The following FAM78B variants were observed in gnomAD, a reference collection of about 807,000 sequenced individuals.
The protein encoded by FAM78B is protein FAM78B.
In FAM78B, 10 loss-of-function variants were observed where a neutral mutation model predicts 20.0. The observed-to-expected ratio is 0.50, with a 90% CI of 0.31 to 0.85. The LOEUF (loss-of-function observed/expected upper bound fraction) is 0.85, where lower values mean the gene tolerates loss of function less well. FAM78B is among the 40% of genes least tolerant of loss of function. The pLI is 0.05. For missense variants in FAM78B, 283 were observed against 345.0 expected (o/e 0.82, Z 1.42); for synonymous variants, 135 against 132.8 (o/e 1.02, Z -0.12).
intron 1 of FAM78B, among the ~76,000 whole-genome samples, chr1:166,146,505 C>T (rs1351470062): frequency 1.3e-5 from 2 of 152,136 alleles, no homozygotes; most frequent in Non-Finnish European, 2.9e-5. Flanking sequence ...TCTTGTTTAC[C>T]AGTTTTAGGA....
At chr1:166,078,002 A>G (rs1376093175) in intron 1 of FAM78B, among the ~76,000 whole-genome samples, 1 of 119,914 alleles carries the variant, frequency 8.3e-6, no homozygotes, top group Non-Finnish European at 1.6e-5. Context: ...ATATAATTAT[A>G]TATATAATAA....
At chr1:166,104,674 A>G (rs1486526508) in intron 1 of FAM78B, among the ~76,000 whole-genome samples, 1 of 152,220 alleles carries the variant, frequency 6.6e-6, no homozygotes, top group Non-Finnish European at 1.5e-5. Context: ...TTCAAGGAGC[A>G]CTACAAACCA....
chr1:166,070,783 G>A lies in FAM78B; in HGVS notation c.264-20C>T. The A allele has an allele frequency of 2.6e-6, 4 of 1,521,640 alleles. No individual in the cohort carries two copies. The highest frequency in any genetic ancestry group is 3.5e-6 in the Non-Finnish European group (4 of 1,139,564). 94.3% of individuals were successfully genotyped at this position (1,521,640 alleles called of 1,614,324 possible). A position where few individuals can be genotyped will look rare whatever the true frequency, so the allele number is the denominator to read the frequency against. On this transcript the variant is annotated intron_variant, in intron 1 of 1. Coordinates refer to ENST00000354422, the MANE Select transcript of FAM78B (RefSeq NM_001017961.5). ...CTTGACCTGGCAAAGCAGAAGACAT[G>A]CACAAGAAAAGAAGAGGCTGAATGA...
At chr1:166,137,902 TA>T (rs1655127335) in intron 1 of FAM78B, among the ~76,000 whole-genome samples, 1 of 152,168 alleles carries the variant, frequency 6.6e-6, no homozygotes, top group South Asian at 2.1e-4. Flanking sequence ...GAACCAAGGT[TA>T]ACAGCAGAAA....
intron 1 of FAM78B, among the ~76,000 whole-genome samples, chr1:166,136,973 A>G (rs1655088445): frequency 6.6e-6 from 1 of 152,196 alleles, no homozygotes; most frequent in South Asian, 2.1e-4. Flanking sequence ...GTGTTATTAC[A>G]TTCTGTGAGG....
chr1:166,102,659 T>TA (rs1386783448), intron 1 of FAM78B, among the ~76,000 whole-genome samples: 1 of 152,232 alleles, frequency 6.6e-6, no homozygotes. Context: ...AAGAGCTAAC[T>TA]ATCCTAAATA....
intron 1 of FAM78B, among the ~76,000 whole-genome samples, chr1:166,110,502 C>G (rs975322568): frequency 2.0e-5 from 3 of 152,154 alleles, no homozygotes; most frequent in African/African-American, 7.2e-5. Flanking sequence ...GGTAAGCAAT[C>G]AATGTCTTTT....
At chr1:166,070,910 G>A (rs1338426852) in intron 1 of FAM78B, 147 bp from the exon 2 acceptor site, 1 of 756,736 alleles carries the variant, frequency 1.3e-6, no homozygotes, top group Non-Finnish European at 2.0e-6. Context: ...GTTCTATGCT[G>A]TGCTGTTTCA....
At chr1:166,080,298 C>T (rs551500833) in intron 1 of FAM78B, among the ~76,000 whole-genome samples, 10 of 152,286 alleles carry the variant, frequency 6.6e-5, no homozygotes, top group East Asian at 1.9e-4. Context: ...TCTCCCTCCC[C>T]GTAATGCCTT....
At chr1:166,102,795 T>C (rs532952804) in intron 1 of FAM78B, among the ~76,000 whole-genome samples, 200 of 152,272 alleles carry the variant, frequency 1.3e-3, no homozygotes, top group African/African-American at 4.7e-3. Flanking sequence ...ATTAGACAGA[T>C]CAATGAGACA....
rs562394647 is a variant in FAM78B at position 166,156,416 on chromosome 1, C to T, written c.263+9570G>A. On this transcript the variant is annotated intron_variant, in intron 1 of 1. Transcript: ENST00000354422. ...GGATGACCTCTCCCATCCCTGACTC[C>T]CATTCTTGGTTGGCTGATCATGGAC... 2.0e-5 allele frequency among the ~76,000 whole-genome samples: 3 copies of T among 152,244 alleles called. No homozygotes were observed. The East Asian group carries it at 5.8e-4, about 30-fold the overall frequency.
intron 1 of FAM78B, among the ~76,000 whole-genome samples, chr1:166,099,940 A>G (rs1653444865): frequency 6.6e-6 from 1 of 152,216 alleles, no homozygotes; most frequent in Non-Finnish European, 1.5e-5. Flanking sequence ...ATAGATATAC[A>G]ACAGCCGCAG....
At chr1:166,080,368 A>C (rs146666574) in intron 1 of FAM78B, among the ~76,000 whole-genome samples, 311 of 152,256 alleles carry the variant, frequency 2.0e-3, no homozygotes, top group Non-Finnish European at 3.4e-3. Context: ...AAAATTAATC[A>C]ACTAAAGTGT....
At chr1:166,066,688 A>G (rs1482246350), downstream of FAM78B, among the ~76,000 whole-genome samples, 3 of 152,248 alleles carry the variant, frequency 2.0e-5, no homozygotes, top group Non-Finnish European at 4.4e-5. Flanking sequence ...TTTTGTAAAA[A>G]TACTCTATAA....
At chr1:166,120,453 G>A (rs749189353) in intron 1 of FAM78B, among the ~76,000 whole-genome samples, 3 of 152,230 alleles carry the variant, frequency 2.0e-5, no homozygotes, top group Non-Finnish European at 2.9e-5. Context: ...GCGGGAACAT[G>A]GGTCGAGGCT....
chr1:166,166,059 C>G lies in FAM78B; in HGVS notation c.190G>C (p.Glu64Gln). 1 of 1,613,934 alleles carries G rather than the reference C, an allele frequency of 6.2e-7. No individual in the cohort carries two copies. The highest frequency in any genetic ancestry group is 8.5e-7 in the Non-Finnish European group (1 of 1,180,000). ...RVVMPPIPRH[E>Q]TWVVGWIQAC... Reference sequence around the variant, plus strand: ...TGAATCCAGCCCACCACCCAGGTCTCGTGGCGGGGGATGGGGGGCATGACC... The same window carrying G: ...TGAATCCAGCCCACCACCCAGGTCTGGTGGCGGGGGATGGGGGGCATGACC... Residue 64 changes from glutamate to glutamine, a missense_variant, in exon 1 of 2, where the codon GAG becomes CAG. By Grantham distance (29) the Glu-to-Gln change is conservative (BLOSUM62 2). Transcript: ENST00000354422.
At chr1:166,127,466 C>CA (rs1305651095) in intron 1 of FAM78B, among the ~76,000 whole-genome samples, 58 of 152,298 alleles carry the variant, frequency 3.8e-4, no homozygotes, top group South Asian at 2.5e-3. Flanking sequence ...TTCCAGGGGA[C>CA]TCAGGATCTG....
intron 1 of FAM78B, among the ~76,000 whole-genome samples, chr1:166,109,882 GTATATATGTATATATATATATATATATA>G (rs1653966825): frequency 1.6e-4 from 2 of 12,250 alleles, no homozygotes; most frequent in African/African-American, 3.1e-4. Context: ...ATATATATAT[GTATATATGTATATATATATATATATATA>G]TATATATATA....
At chr1:166,106,858 A>G (rs138309190) in intron 1 of FAM78B, among the ~76,000 whole-genome samples, 1 of 152,238 alleles carries the variant, frequency 6.6e-6, no homozygotes, top group Middle Eastern at 3.4e-3. Context: ...TTGCACATGT[A>G]CCCCCTGAAT....
Sources: allele counts gnomAD v4.1 joint callset (sites outside exome capture counted in the v4.1 genomes callset), GRCh38; gene constraint gnomAD v4.1.1; transcripts MANE v1.5; gene names NCBI Gene and HGNC (gene_info 2026-07-23, HGNC 2026-07-21).